Variants in GARNL3 observed in about 807,000 individuals in gnomAD.
The protein encoded by GARNL3 is GTPase activating Rap/RanGAP domain like 3.
In GARNL3, 63 loss-of-function variants were observed where a neutral mutation model predicts 125.0. That is an observed-to-expected ratio of 0.50 (90% confidence interval 0.41 to 0.62). The LOEUF (loss-of-function observed/expected upper bound fraction) is 0.62. Among genes scored for constraint, GARNL3 ranks in the 20% least tolerant of loss-of-function variants. GARNL3 has a pLI of 0.00. For missense variants in GARNL3, 994 were observed against 1,244.0 expected (o/e 0.80, Z 3.02); for synonymous variants, 439 against 457.5 (o/e 0.96, Z 0.52).
Position 127,256,358 on chromosome 9 carries a change from C to T in GARNL3, c.144-8594C>T, listed in dbSNP as rs554832595. Among the ~76,000 whole-genome samples the T allele has an allele frequency of 3.9e-5, 6 of 152,296 alleles. No homozygotes were observed. The South Asian group carries it at 1.0e-3, about 26-fold the overall frequency. On this transcript the variant is annotated intron_variant, in intron 2 of 10. Coordinates refer to the GARNL3 transcript ENST00000439286. ...GAGCTGAGAAGAGTGTGACAGACCT[C>T]CCCGGCTTCTGCTGTGGGCACCCAC...
chr9:127,276,614 A>G (rs2131313948), intron 1 of GARNL3, among the ~76,000 whole-genome samples: 2 of 152,370 alleles, frequency 1.3e-5, no homozygotes, highest in South Asian at 4.1e-4. Context: ...GATGACCCAT[A>G]GGCAACTAAA....
At position 127,348,411 on chromosome 9, in the gene GARNL3, A is replaced by T. The variant is rs552001826; in HGVS notation, c.1432-513A>T. ...AAACAGATGTTATTTTTTCTTTAAG[A>T]TTTTGTATCTTATGTGGGTCAATAG... On this transcript the variant is annotated intron_variant, in intron 16 of 27. Coordinates refer to ENST00000373387, the MANE Select transcript of GARNL3 (RefSeq NM_032293.5). Among the ~76,000 whole-genome samples the T allele has an allele frequency of 3.0e-4, 46 of 152,272 alleles. 4 individuals are homozygous for T. Among genetic ancestry groups the T allele is most frequent in the Admixed American group, 2.1e-3 (32 of 15,298 alleles).
At chr9:127,345,358 C>A (rs755209164) in intron 15 of GARNL3, 45 bp from the exon 16 acceptor site, 1 of 1,252,404 alleles carries the variant, frequency 8.0e-7, no homozygotes, top group Non-Finnish European at 1.1e-6. Context: ...TCCTGCTGTA[C>A]TTTTGCCGCC....
At chr9:127,298,188 T>C (rs540214102) in intron 2 of GARNL3, among the ~76,000 whole-genome samples, 2 of 152,274 alleles carry the variant, frequency 1.3e-5, no homozygotes, top group South Asian at 2.1e-4. Context: ...TTTTTTGGGG[T>C]TTTTTTGAGA....
rs1170223438 is a variant in GARNL3 at position 127,265,026 on chromosome 9, G to C, written c.144+5G>C. On this transcript the variant is annotated splice_donor_5th_base_variant and intron_variant, in intron 1 of 27. Transcript: ENST00000373387. ...CATTATGGATCTGTGGAGCTGGTAA[G>C]TTTATGCTGTCTGTTCAGTGGTAGT... 1.2e-6 allele frequency: 2 copies of C among 1,610,926 alleles called. No individual in the cohort carries two copies. Among genetic ancestry groups the C allele is most frequent in the Non-Finnish European group, 1.7e-6 (2 of 1,178,214 alleles).
chr9:127,355,360 G>A lies in GARNL3; in HGVS notation c.1823G>A (p.Arg608Gln), dbSNP rs924144503. 1.9e-6 allele frequency: 3 copies of A among 1,614,164 alleles called. No individual in the cohort carries two copies. Among genetic ancestry groups the A allele is most frequent in the South Asian group, 1.1e-5 (1 of 91,084 alleles). The part of the protein sequence containing the change: ...SRELRIVVAI[R>Q]NKLLLITRKH... ...GAGCTGAGGATTGTGGTTGCAATTC[G>A]GAATAAACTGCTTCTGATCACAAGA... The change falls in exon 20 of 28, where the codon CGG becomes CAG. Residue 608 changes from arginine (R) to glutamine (Q), a missense_variant. Physicochemically the swap from Arg to Gln is conservative, Grantham distance 43 (BLOSUM62 1). This residue lies in a region of GARNL3 where 728 missense variants were observed against 865.7 expected (regional missense o/e 0.84). Transcript: ENST00000373387.
chr9:127,336,293 G>T, intron 11 of GARNL3, 57 bp downstream of exon 11: 2 of 1,193,272 alleles, frequency 1.7e-6, no homozygotes, highest in Non-Finnish European at 2.5e-6. Flanking sequence ...AGCCTCACTG[G>T]ACTTCCATGA....
At chr9:127,350,721 A>G (rs1830381558) in intron 17 of GARNL3, among the ~76,000 whole-genome samples, 1 of 152,056 alleles carries the variant, frequency 6.6e-6, no homozygotes, top group Admixed American at 6.6e-5. Context: ...GGTTGCAGTG[A>G]GCCAAGATCG....
chr9:127,225,380 G>C, intron 1 of GARNL3: 1 of 984,922 alleles, frequency 1.0e-6, no homozygotes, highest in Non-Finnish European at 1.2e-6. Flanking sequence ...TGCGGCGCAG[G>C]GGGTGCAGCT....
At chr9:127,315,159 T>C (rs2131484415) in intron 4 of GARNL3, among the ~76,000 whole-genome samples, 1 of 152,292 alleles carries the variant, frequency 6.6e-6, no homozygotes, top group East Asian at 1.9e-4. Context: ...CAGCTGTTGA[T>C]GGAAGTGCTG....
At chr9:127,326,491 A>T (rs1254964019) in intron 7 of GARNL3, among the ~76,000 whole-genome samples, 1 of 152,174 alleles carries the variant, frequency 6.6e-6, no homozygotes, top group Admixed American at 6.5e-5. Flanking sequence ...GCTTGAGAGG[A>T]TGGATACCCC....
intron 2 of GARNL3, among the ~76,000 whole-genome samples, chr9:127,311,108 T>A (rs1488658967): frequency 4.0e-5 from 6 of 151,654 alleles, no homozygotes; most frequent in African/African-American, 1.5e-4. Flanking sequence ...AATAAAAGAG[T>A]ATAGAGCCAA....
intron 2 of GARNL3, among the ~76,000 whole-genome samples, chr9:127,308,162 T>A (rs527491348): frequency 1.3e-5 from 2 of 152,350 alleles, no homozygotes; most frequent in East Asian, 3.9e-4. Context: ...GGTAATATCT[T>A]GAATAGGTAA....
At chr9:127,345,275 A>G (rs79917443) in intron 15 of GARNL3, 128 bp from the exon 16 acceptor site, 2 of 534,940 alleles carry the variant, frequency 3.7e-6, no homozygotes, top group South Asian at 6.4e-5. Context: ...TTAACAAGTC[A>G]GTAGAGGAAC....
At chr9:127,387,891 A>G (rs567777987) in intron 25 of GARNL3, among the ~76,000 whole-genome samples, 1 of 152,294 alleles carries the variant, frequency 6.6e-6, no homozygotes, top group African/African-American at 2.4e-5. Context: ...CACACTTGTA[A>G]TCCCAGCACT....
intron 5 of GARNL3, among the ~76,000 whole-genome samples, chr9:127,318,642 C>T (rs956776088): frequency 4.6e-5 from 7 of 152,136 alleles, no homozygotes; most frequent in Admixed American, 1.3e-4. Context: ...GCTTCCTGCT[C>T]AGCCACCTCT....
intron 2 of GARNL3, among the ~76,000 whole-genome samples, chr9:127,306,708 CAG>C (rs1215604852): frequency 1.4e-5 from 2 of 147,042 alleles, no homozygotes; most frequent in Non-Finnish European, 3.0e-5. Flanking sequence ...GCCTGGATGA[CAG>C]AGGGAAATTC....
intron 2 of GARNL3, among the ~76,000 whole-genome samples, chr9:127,308,965 TA>T (rs1371297754): frequency 3.9e-5 from 6 of 152,334 alleles, no homozygotes; most frequent in African/African-American, 1.4e-4. Flanking sequence ...AAGTAAAAGG[TA>T]AACATGCTTT....
At chr9:127,327,635 G>C (rs1387530578) in intron 7 of GARNL3, among the ~76,000 whole-genome samples, 1 of 152,148 alleles carries the variant, frequency 6.6e-6, no homozygotes, top group Non-Finnish European at 1.5e-5. Context: ...CTGGGTTCAA[G>C]TGATCCTCCC....
Sources: allele counts gnomAD v4.1 joint callset (sites outside exome capture counted in the v4.1 genomes callset), GRCh38; gene constraint gnomAD v4.1.1; regional missense constraint gnomAD v4.1.1; transcripts MANE v1.5; gene names NCBI Gene and HGNC (gene_info 2026-07-23, HGNC 2026-07-21).